RNF121: variants seen among roughly 807,000 people sequenced by gnomAD.
RNF121 encodes E3 ubiquitin ligase RNF121.
RNF121 carries 21 observed loss-of-function variants against 46.5 expected under a neutral mutation model. The observed-to-expected ratio is 0.45, with a 90% CI of 0.32 to 0.65. The LOEUF (loss-of-function observed/expected upper bound fraction) is 0.65, where lower values mean the gene tolerates loss of function less well. RNF121 is among the 30% of genes least tolerant of loss of function. The pLI is 0.04. For missense variants in RNF121, 346 were observed against 416.0 expected, an observed-to-expected ratio of 0.83 and a Z score of 1.46; for synonymous variants, 139 against 144.7, an observed-to-expected ratio of 0.96 and a Z score of 0.28.
chr11:71,966,919 C>T (rs538264049), intron 3 of RNF121, among the ~76,000 whole-genome samples: 3 of 147,890 alleles, frequency 2.0e-5, no homozygotes, highest in South Asian at 4.2e-4. Context: ...GGCCGGACTG[C>T]GGACTGCAGA....
chr11:71,968,560 G>T (rs1954343047), intron 3 of RNF121, among the ~76,000 whole-genome samples: 1 of 152,188 alleles, frequency 6.6e-6, no homozygotes, highest in Non-Finnish European at 1.5e-5. Flanking sequence ...TAGGTTAAAG[G>T]TCAGTTCTAG....
intron 3 of RNF121, among the ~76,000 whole-genome samples, chr11:71,967,506 C>T (rs1191640794): frequency 1.3e-5 from 2 of 151,788 alleles, no homozygotes; most frequent in East Asian, 3.9e-4. Context: ...CATGCCACCA[C>T]ACCCAGCTAA....
chr11:71,972,414 A>G (rs1954439138), intron 3 of RNF121, among the ~76,000 whole-genome samples: 1 of 152,198 alleles, frequency 6.6e-6, no homozygotes, highest in African/African-American at 2.4e-5. Flanking sequence ...GAATTATTTG[A>G]TAAGGCTCTG....
At chr11:71,974,184 A>G (rs750970841) in intron 3 of RNF121, among the ~76,000 whole-genome samples, 13 of 151,916 alleles carry the variant, frequency 8.6e-5, no homozygotes, top group Non-Finnish European at 1.8e-4. Context: ...CTCGTGATCC[A>G]CCCTCCTCGG....
chr11:71,929,199 G>A (rs1222229938), intron 1 of RNF121, 75 bp downstream of exon 1: 5 of 1,508,172 alleles, frequency 3.3e-6, no homozygotes, highest in Middle Eastern at 1.7e-4. Flanking sequence ...CGGGAGGTGG[G>A]GGTCTTAGGA....
At chr11:71,970,408 C>G (rs1451523855) in intron 3 of RNF121, among the ~76,000 whole-genome samples, 1 of 152,154 alleles carries the variant, frequency 6.6e-6, no homozygotes, top group African/African-American at 2.4e-5. Flanking sequence ...CACCTCTAAT[C>G]CCAGCACTTT....
chr11:71,965,958 T>G (rs897919919), intron 3 of RNF121, among the ~76,000 whole-genome samples: 1 of 152,268 alleles, frequency 6.6e-6, no homozygotes, highest in Admixed American at 6.5e-5. Flanking sequence ...GAGCATGTTT[T>G]CATGCTTAGT....
At chr11:71,986,194 A>G (rs1456565621) in intron 4 of RNF121, among the ~76,000 whole-genome samples, 2 of 151,930 alleles carry the variant, frequency 1.3e-5, no homozygotes, top group Non-Finnish European at 2.9e-5. Context: ...ATTACACATC[A>G]TTTCTTTCAT....
chr11:71,947,583 GAGAT>G (rs1953756778), intron 1 of RNF121, among the ~76,000 whole-genome samples: 1 of 152,178 alleles, frequency 6.6e-6, no homozygotes, highest in African/African-American at 2.4e-5. Context: ...AGGGATGAAA[GAGAT>G]AGATAGTTCA....
intron 1 of RNF121, among the ~76,000 whole-genome samples, chr11:71,944,275 G>A (rs1301798951): frequency 6.6e-6 from 1 of 152,328 alleles, no homozygotes; most frequent in East Asian, 1.9e-4. Flanking sequence ...GGAGGTTGCA[G>A]TGAGCCGAGA....
chr11:71,967,348 T>TG (rs1366115094), intron 3 of RNF121, among the ~76,000 whole-genome samples: 3 of 94,954 alleles, frequency 3.2e-5, no homozygotes, highest in Non-Finnish European at 7.2e-5. Flanking sequence ...GGGTTTTTTT[T>TG]GTTTTTTTTT....
intron 5 of RNF121, among the ~76,000 whole-genome samples, chr11:71,988,187 A>T (rs1031620023): frequency 2.6e-5 from 4 of 152,192 alleles, no homozygotes; most frequent in African/African-American, 7.2e-5. Context: ...TTCAGTTGTC[A>T]TAAGCCTTCC....
In RNF121 at chr11:71,960,850, C is replaced by A; in HGVS notation, c.202C>A (p.Leu68Ile). 1.2e-6 allele frequency: 2 copies of A among 1,614,172 alleles called. No individual in the cohort carries two copies. Reference protein sequence around the residue: ...LIATLVVAQLLLVQWKQRHPR... With the variant: ...LIATLVVAQLILVQWKQRHPR... ...CGCAACCTTGGTGGTGGCCCAGCTG[C>A]TCCTGGTGCAGTGGAAGCAGAGGCA... Residue 68 changes from leucine (L) to isoleucine (I), a missense_variant, in exon 3 of 9, where the codon CTC becomes ATC. Coordinates refer to ENST00000361756, the MANE Select transcript of RNF121 (RefSeq NM_018320.5).
chr11:71,937,556 G>C (rs1444342499), intron 1 of RNF121, among the ~76,000 whole-genome samples: 1 of 152,178 alleles, frequency 6.6e-6, no homozygotes, highest in Non-Finnish European at 1.5e-5. Flanking sequence ...ACACCAGTGT[G>C]TATGTGAACT....
intron 3 of RNF121, among the ~76,000 whole-genome samples, chr11:71,967,813 T>C (rs1954322308): frequency 6.6e-6 from 1 of 152,042 alleles, no homozygotes; most frequent in African/African-American, 2.4e-5. Context: ...ATTGTTTACA[T>C]TATTAAGTAT....
chr11:71,955,967 A>G (rs577357253), intron 1 of RNF121, among the ~76,000 whole-genome samples: 7 of 152,266 alleles, frequency 4.6e-5, no homozygotes, highest in African/African-American at 1.4e-4. Flanking sequence ...TGGTAAATTT[A>G]TTTTTTGACT....
In RNF121 at chr11:71,951,209, C is replaced by CAAA. The variant is rs35566006; in HGVS notation, c.64-6007_64-6005dup. Among the ~76,000 whole-genome samples the CAAA allele has an allele frequency of 7.9e-3, 1,136 of 143,066 alleles. 17 individuals carry two copies. The highest frequency in any genetic ancestry group is 0.028 in the Middle Eastern group (8 of 284). 93.9% of individuals were successfully genotyped at this position (143,066 alleles called of 152,430 possible). ...ATTGCACAAGAGCAAAACTCCGTCTCAAAAAAAAAAAAATGCAATAATGAA... is the reference window on the plus strand; with the variant it reads ...ATTGCACAAGAGCAAAACTCCGTCTCAAAAAAAAAAAAAAAATGCAATAATGAA... On this transcript the variant is annotated intron_variant, in intron 1 of 8. Transcript: ENST00000361756.
intron 1 of RNF121, among the ~76,000 whole-genome samples, chr11:71,935,846 C>CTTTTTTTT (rs994241423): frequency 3.3e-4 from 38 of 114,720 alleles, no homozygotes; most frequent in Non-Finnish European, 4.0e-4. Flanking sequence ...TATTCTTTTT[C>CTTTTTTTT]TTTTTTTTTT....
intron 3 of RNF121, among the ~76,000 whole-genome samples, chr11:71,966,851 T>C (rs1954287933): frequency 7.4e-6 from 1 of 134,894 alleles, no homozygotes; most frequent in Admixed American, 8.2e-5. Context: ...TATTTAAATA[T>C]AATATTTGTG....
Sources: gnomAD v4.1 joint callset for allele counts (sites outside exome capture counted in the v4.1 genomes callset) on GRCh38, gnomAD v4.1.1 for gene constraint, MANE v1.5 for transcripts, NCBI Gene and HGNC (gene_info 2026-07-23, HGNC 2026-07-21) for gene names.